Variants in GPR65 observed in about 807,000 individuals in gnomAD.
GPR65 encodes the protein G protein-coupled receptor 65.
In GPR65, 2 loss-of-function variants were observed where a neutral mutation model predicts 0.7. That is an observed-to-expected ratio of 2.83 (90% CI 1.16 to 8.92). GPR65 has a LOEUF of 8.92. Among genes scored for constraint, GPR65 ranks in the 30% most tolerant of loss-of-function variants. The pLI is 0.04. For missense variants in GPR65, 379 were observed against 399.4 expected, an observed-to-expected ratio of 0.95 and a Z score of 0.43; for synonymous variants, 128 against 146.5, an observed-to-expected ratio of 0.87 and a Z score of 0.91.
chr14:88,013,061 T>TC lies in GPR65; in HGVS notation c.*1200_*1201insC, dbSNP rs1464163022. On this transcript the variant is annotated 3_prime_UTR_variant, in exon 2 of 2. Transcript: ENST00000267549. ...TTTTGAGAGTTCTTTTTTTTTTTTT[T>TC]TTTGAGTCAGAGTCTTGCTCTGTAA... 3.6e-4 allele frequency: 54 copies of TC among 151,514 alleles called. No individual in the cohort carries two copies. The highest frequency in any genetic ancestry group is 1.3e-3 in the African/African-American group (53 of 41,334). The allele number at this position is 151,514 out of a possible 1,614,324, so 9.4% of individuals were successfully genotyped here. A position where few individuals can be genotyped will look rare whatever the true frequency, so the allele number is the denominator to read the frequency against.
intron 1 of GPR65, among the ~76,000 whole-genome samples, chr14:88,007,722 T>C (rs1314106286): frequency 1.3e-5 from 2 of 150,960 alleles, no homozygotes; most frequent in Middle Eastern, 3.4e-3. Flanking sequence ...TCTAAAGTTT[T>C]GTGGATCTGG....
chr14:88,010,607 C>T lies in GPR65; in HGVS notation c.-241C>T. 2.2e-6 allele frequency: 1 copy of T among 458,518 alleles called. No individual in the cohort carries two copies. 28.4% of individuals were successfully genotyped at this position (458,518 alleles called of 1,614,324 possible). ...TCTGTTTATTAAATTCAGTTGACCC[C>T]TTTAGCCAATTGCCAGGAGCCTGGA... On this transcript the variant is annotated 5_prime_UTR_variant, in exon 2 of 2. Transcript: ENST00000267549.
In GPR65 at chr14:88,011,297, G is replaced by A; in HGVS notation, c.450G>A (p.Leu150=). 1 of 1,613,776 alleles carries A rather than the reference G, an allele frequency of 6.2e-7. No individual in the cohort carries two copies. Among genetic ancestry groups the A allele is most frequent in the Non-Finnish European group, 8.5e-7 (1 of 1,179,782 alleles). Residue 150 remains leucine (L), a synonymous_variant, in exon 2 of 2, where the codon TTG becomes TTA. Transcript: ENST00000267549. ...ILETIFNAVM[L]WEDETVVEYC... ...AAACCATCTTCAATGCTGTCATGTT[G>A]TGGGAAGATGAAACAGTTGTTGAAT...
In GPR65 at chr14:88,012,033, G is replaced by A; in HGVS notation, c.*172G>A. ...AACTGCATTGTACAGCTCCCTCCCT[G>A]CGTTTTATTAAATGATGTATATTAA... On this transcript the variant is annotated 3_prime_UTR_variant, in exon 2 of 2. Transcript: ENST00000267549. The A allele has an allele frequency of 1.9e-6, 1 of 516,948 alleles. No individual in the cohort carries two copies. The highest frequency in any genetic ancestry group is 3.5e-6 in the Non-Finnish European group (1 of 287,084). The allele number at this position is 516,948 out of a possible 1,614,324, so 32.0% of individuals were successfully genotyped here.
At position 88,013,783 on chromosome 14, in the gene GPR65, C is replaced by G. The variant is rs970037073; in HGVS notation, c.*1922C>G. The stretch of plus-strand genomic sequence containing the variant: ...GCTACTTGGGAGGCTGAGTCATAAG[C>G]CTGCAATGGGAAAATGGATCGAATC... On this transcript the variant is annotated 3_prime_UTR_variant, in exon 2 of 2. Transcript: ENST00000267549. 4.0e-5 allele frequency: 6 copies of G among 151,752 alleles called. No individual in the cohort carries two copies. Among genetic ancestry groups the G allele is most frequent in the African/African-American group, 1.5e-4 (6 of 41,226 alleles). The allele number at this position is 151,752 out of a possible 1,614,324, so 9.4% of individuals were successfully genotyped here.
intron 1 of GPR65, among the ~76,000 whole-genome samples, chr14:88,007,818 G>T (rs971368485): frequency 2.0e-5 from 3 of 150,872 alleles, no homozygotes; most frequent in African/African-American, 7.3e-5. Context: ...GTGTGTGTGT[G>T]TGTGAATAAG....
rs920617864 is a variant in GPR65, at chr14:88,010,916, T to C, written c.69T>C (p.Phe23=). ...DHYLFPIVYI[F]VIIVSIPANI... is the part of the protein sequence containing the mutation. ...ATTTGTTTCCCATTGTTTACATCTT[T>C]GTGATTATAGTCAGCATTCCAGCCA... is the stretch of plus-strand genomic sequence containing the variant. The change falls in exon 2 of 2, where the codon TTT becomes TTC. Residue 23 remains phenylalanine, a synonymous_variant. Transcript: ENST00000267549. The C allele has an allele frequency of 1.6e-5, 26 of 1,612,184 alleles. No homozygotes were observed. In the Middle Eastern group the frequency reaches 4.9e-4, roughly 31 times the overall value.
Position 88,010,413 on chromosome 14 carries a change from T to C in GPR65, c.-435T>C, listed in dbSNP as rs1302543884. ...GAAGGAAAGGAATTTTAAAAGGAAATACCAATCTCTGTGCAAACAAAGCCT... is the reference window on the plus strand; with the variant it reads ...GAAGGAAAGGAATTTTAAAAGGAAACACCAATCTCTGTGCAAACAAAGCCT... On this transcript the variant is annotated 5_prime_UTR_variant, in exon 2 of 2. Transcript: ENST00000267549. 1 of 156,660 alleles carries C rather than the reference T, an allele frequency of 6.4e-6. No homozygotes were observed. Among genetic ancestry groups the C allele is most frequent in the Non-Finnish European group, 1.4e-5 (1 of 70,706 alleles). 9.7% of individuals were successfully genotyped at this position (156,660 alleles called of 1,614,324 possible).
In GPR65 at chr14:88,011,369, C is replaced by A; in HGVS notation, c.522C>A (p.Tyr174Ter). The change falls in exon 2 of 2, where the codon TAC (tyrosine) becomes TAA (stop). Residue 174 changes from tyrosine (Y) to a stop codon, truncating the protein, a stop_gained. Transcript: ENST00000267549. LOFTEE classifies it low-confidence loss of function (END_TRUNC). ...KSNFTLCYDK[Y>*]PLEKWQINLN... is the part of the protein sequence containing the mutation. ...ATTTTACTTTATGCTATGACAAATA[C>A]CCTTTAGAGAAATGGCAAATCAACC... is the stretch of plus-strand genomic sequence containing the variant. The A allele has an allele frequency of 6.2e-7, 1 of 1,614,046 alleles. No individual in the cohort carries two copies. The highest frequency in any genetic ancestry group is 8.5e-7 in the Non-Finnish European group (1 of 1,179,980).
Position 88,011,166 on chromosome 14 carries a change from T to G in GPR65, c.319T>G (p.Cys107Gly). ...TTACAGCAGCACAGCATTCCTCACCTGCATTGCCGTTGATCGGTATTTGGC... is the reference window on the plus strand; with the variant it reads ...TTACAGCAGCACAGCATTCCTCACCGGCATTGCCGTTGATCGGTATTTGGC... The part of the protein sequence containing the change: ...NFYSSTAFLT[C>G]IAVDRYLAVV... The change falls in exon 2 of 2, where the codon TGC becomes GGC. Residue 107 changes from cysteine (C) to glycine (G), a missense_variant. Transcript: ENST00000267549. The G allele has an allele frequency of 1.2e-6, 2 of 1,613,648 alleles. No individual in the cohort carries two copies. Among genetic ancestry groups the G allele is most frequent in the South Asian group, 2.2e-5 (2 of 91,082 alleles).
intron 1 of GPR65, among the ~76,000 whole-genome samples, chr14:88,007,213 T>C (rs933425178): frequency 5.3e-5 from 8 of 152,156 alleles, no homozygotes; most frequent in Non-Finnish European, 8.8e-5. Flanking sequence ...ATTTGGGATT[T>C]TCTAAGCTTC....
Position 88,014,733 on chromosome 14 carries a change from G to A in GPR65, c.*2872G>A, listed in dbSNP as rs1383562181. 2 of 151,740 alleles carry A rather than the reference G, an allele frequency of 1.3e-5. No homozygotes were observed. Among genetic ancestry groups the A allele is most frequent in the South Asian group, 2.1e-4 (1 of 4,816 alleles). 9.4% of individuals were successfully genotyped at this position (151,740 alleles called of 1,614,324 possible). On this transcript the variant is annotated 3_prime_UTR_variant, in exon 2 of 2. Transcript: ENST00000267549. ...TAGCCATAAAGGGATGAGCTAGAGA[G>A]GTCTCCATATTATCATTCAATGTGA...
rs982205287 is a variant in GPR65, at chr14:88,012,064, G to T, written c.*203G>T. 2.3e-5 allele frequency: 10 copies of T among 440,252 alleles called. No individual in the cohort carries two copies. The highest frequency in any genetic ancestry group is 5.0e-5 in the South Asian group (1 of 19,936). The allele number at this position is 440,252 out of a possible 1,614,324, so 27.3% of individuals were successfully genotyped here. A position where few individuals can be genotyped will look rare whatever the true frequency, so the allele number is the denominator to read the frequency against. On this transcript the variant is annotated 3_prime_UTR_variant, in exon 2 of 2. Transcript: ENST00000267549. ...TATTAAATGATGTATATTAAACAAAGATCAATATTTTCTTAATGACTCAGG... is the reference window on the plus strand; with the variant it reads ...TATTAAATGATGTATATTAAACAAATATCAATATTTTCTTAATGACTCAGG...
At chr14:88,005,849 A>G (rs1887587780) in intron 1 of GPR65, among the ~76,000 whole-genome samples, 1 of 152,244 alleles carries the variant, frequency 6.6e-6, no homozygotes, top group African/African-American at 2.4e-5. Context: ...AAGAATAGAT[A>G]TACTTTAATA....
In GPR65 at chr14:88,012,918, T is replaced by A. The variant is rs1887709191; in HGVS notation, c.*1057T>A. 1 of 152,230 alleles carries A rather than the reference T, an allele frequency of 6.6e-6. No homozygotes were observed. Among genetic ancestry groups the A allele is most frequent in the Non-Finnish European group, 1.5e-5 (1 of 68,040 alleles). The allele number at this position is 152,230 out of a possible 1,614,324, so 9.4% of individuals were successfully genotyped here. A position where few individuals can be genotyped will look rare whatever the true frequency, so the allele number is the denominator to read the frequency against. ...AAGGAAATAGGCTCTGAGTTTTATTTTGATCTCTTTTTAATTTATAACTGG... is the reference window on the plus strand; with the variant it reads ...AAGGAAATAGGCTCTGAGTTTTATTATGATCTCTTTTTAATTTATAACTGG... On this transcript the variant is annotated 3_prime_UTR_variant, in exon 2 of 2. Transcript: ENST00000267549.
Position 88,010,641 on chromosome 14 carries a change from TC to T in GPR65, c.-205del. 2.0e-6 allele frequency: 1 copy of T among 510,110 alleles called. No individual in the cohort carries two copies. Among genetic ancestry groups the T allele is most frequent in the Non-Finnish European group, 3.5e-6 (1 of 287,476 alleles). 31.6% of individuals were successfully genotyped at this position (510,110 alleles called of 1,614,324 possible). A position where few individuals can be genotyped will look rare whatever the true frequency, so the allele number is the denominator to read the frequency against. ...ATTGCCAGGAGCCTGGATTTTTACT[TC>T]CAACTGCTGATATCTGTGTAAAAAT... is the stretch of plus-strand genomic sequence containing the variant. On this transcript the variant is annotated 5_prime_UTR_variant, in exon 2 of 2. It removes the in-frame stop codon of an upstream open reading frame in the 5' UTR. Transcript: ENST00000267549.
chr14:88,010,785 G>A lies in GPR65; in HGVS notation c.-63G>A. 2 of 1,118,432 alleles carry A rather than the reference G, an allele frequency of 1.8e-6. No individual in the cohort carries two copies. Among genetic ancestry groups the A allele is most frequent in the Middle Eastern group, 2.1e-4 (1 of 4,814 alleles). The allele number at this position is 1,118,432 out of a possible 1,614,324, so 69.3% of individuals were successfully genotyped here. ...TTCGATGTTCAAAACAAACTACAAA[G>A]AGACAAGACTTCTCTGTTTACTTTC... On this transcript the variant is annotated 5_prime_UTR_variant, in exon 2 of 2. Transcript: ENST00000267549.
intron 1 of GPR65, among the ~76,000 whole-genome samples, chr14:88,007,596 G>C (rs1354184397): frequency 6.7e-6 from 1 of 149,146 alleles, no homozygotes; most frequent in African/African-American, 2.5e-5. Context: ...TAAAAATATG[G>C]CTTGTCATTT....
chr14:88,007,621 C>G (rs1887613060), intron 1 of GPR65, among the ~76,000 whole-genome samples: 1 of 150,424 alleles, frequency 6.6e-6, no homozygotes. Context: ...ATCTCTTCCT[C>G]CTTACTCATG....
Sources: gnomAD v4.1 joint callset for allele counts (sites outside exome capture counted in the v4.1 genomes callset) on GRCh38, gnomAD v4.1.1 for gene constraint, MANE v1.5 for transcripts, NCBI Gene and HGNC (gene_info 2026-07-23, HGNC 2026-07-21) for gene names.